The following RBFOX1 variants were observed in gnomAD, a reference collection of about 807,000 sequenced individuals.
The protein encoded by RBFOX1 is RNA binding protein fox-1 homolog 1.
In RBFOX1, 8 loss-of-function variants were observed where a neutral mutation model predicts 57.7. The ratio of observed to expected loss-of-function variants is 0.14; its 90% CI spans 0.08 to 0.25. The LOEUF is 0.25. Ranked by LOEUF, RBFOX1 falls within the 10% of genes least tolerant of loss-of-function variation. RBFOX1 has a pLI of 1.00. For synonymous variants in RBFOX1, 326 were observed against 222.4 expected (o/e 1.47, Z -4.15); for missense variants, 611 against 548.5 (o/e 1.11, Z -1.14).
At chr16:7,695,498 C>G (rs966343459) in intron 14 of RBFOX1, among the ~76,000 whole-genome samples, 5 of 151,788 alleles carry the variant, frequency 3.3e-5, no homozygotes, top group African/African-American at 7.3e-5. Context: ...ACTAAAAATA[C>G]AAAAATTAGC....
intron 3 of RBFOX1, among the ~76,000 whole-genome samples, chr16:5,665,120 A>G (rs1273734561): frequency 7.0e-5 from 7 of 100,146 alleles, no homozygotes; most frequent in Admixed American, 1.1e-4. Context: ...TAACTTTTTG[A>G]TATTTTTACA....
chr16:6,449,449 C>T (rs1334194646), intron 2 of RBFOX1, among the ~76,000 whole-genome samples: 2 of 152,166 alleles, frequency 1.3e-5, no homozygotes, highest in African/African-American at 4.8e-5. Flanking sequence ...TTAGGTGTTG[C>T]CAAAGGCTCT....
chr16:7,201,975 C>T (rs1384462534), intron 4 of RBFOX1, among the ~76,000 whole-genome samples: 2 of 152,110 alleles, frequency 1.3e-5, no homozygotes, highest in African/African-American at 4.8e-5. Flanking sequence ...AGCCAATTAA[C>T]ACCTAAGTAG....
At chr16:5,383,444 A>G (rs912160131) in intron 1 of RBFOX1, among the ~76,000 whole-genome samples, 1 of 152,214 alleles carries the variant, frequency 6.6e-6, no homozygotes, top group Non-Finnish European at 1.5e-5. Flanking sequence ...TGGGTCTGTT[A>G]GGCCTGGTTA....
intron 3 of RBFOX1, among the ~76,000 whole-genome samples, chr16:6,925,405 G>A (rs772264676): frequency 6.6e-6 from 1 of 151,838 alleles, no homozygotes; most frequent in African/African-American, 2.4e-5. Context: ...GATTATAGGA[G>A]TGAGCCACTG....
At chr16:5,473,946 G>C (rs1178616559) in intron 2 of RBFOX1, among the ~76,000 whole-genome samples, 1 of 151,314 alleles carries the variant, frequency 6.6e-6, no homozygotes, top group African/African-American at 2.4e-5. Context: ...ATGGATGGAT[G>C]GGTGGGTGGG....
intron 2 of RBFOX1, among the ~76,000 whole-genome samples, chr16:5,577,884 T>G (rs1233680263): frequency 2.6e-5 from 4 of 152,180 alleles, no homozygotes; most frequent in African/African-American, 9.7e-5. Context: ...AAGAGCCTCA[T>G]GTTAGAGCAG....
chr16:7,193,457 C>A (rs182705185), intron 4 of RBFOX1, among the ~76,000 whole-genome samples: 12 of 152,318 alleles, frequency 7.9e-5, no homozygotes, highest in Admixed American at 4.6e-4. Flanking sequence ...TTGTTTAAAG[C>A]CATCATGTTT....
chr16:6,144,077 G>C (rs186141094), intron 1 of RBFOX1, among the ~76,000 whole-genome samples: 52 of 151,918 alleles, frequency 3.4e-4, no homozygotes, highest in Admixed American at 3.3e-4. Flanking sequence ...GGGATTACAG[G>C]TGTGAGCCAC....
chr16:7,353,724 G>T (rs2097167374), intron 4 of RBFOX1, among the ~76,000 whole-genome samples: 1 of 152,200 alleles, frequency 6.6e-6, no homozygotes. Flanking sequence ...CATATTGTAT[G>T]ATTCGATTTA....
At chr16:7,041,427 C>A (rs887620188) in intron 3 of RBFOX1, among the ~76,000 whole-genome samples, 1 of 152,126 alleles carries the variant, frequency 6.6e-6, no homozygotes, top group African/African-American at 2.4e-5. Flanking sequence ...AGATGAACCA[C>A]AATTCTTTTA....
At chr16:7,476,726 G>A (rs1435536090) in intron 4 of RBFOX1, among the ~76,000 whole-genome samples, 1 of 152,228 alleles carries the variant, frequency 6.6e-6, no homozygotes, top group East Asian at 1.9e-4. Context: ...CTGAAGCATT[G>A]CTCTGTATCC....
intron 3 of RBFOX1, among the ~76,000 whole-genome samples, chr16:5,705,021 GC>G (rs1241412511): frequency 6.6e-6 from 1 of 151,938 alleles, no homozygotes; most frequent in East Asian, 1.9e-4. Flanking sequence ...TCTCCCTCCA[GC>G]CCATTTTTGA....
intron 4 of RBFOX1, among the ~76,000 whole-genome samples, chr16:5,943,271 G>C (rs572575381): frequency 5.3e-5 from 8 of 152,240 alleles, no homozygotes; most frequent in Middle Eastern, 3.4e-3. Flanking sequence ...CTTCTTAAGT[G>C]AACTTTCTTA....
chr16:6,644,757 G>A (rs1252311412), intron 2 of RBFOX1, among the ~76,000 whole-genome samples: 1 of 152,152 alleles, frequency 6.6e-6, no homozygotes, highest in African/African-American at 2.4e-5. Context: ...CTGGAGCACA[G>A]CAGCCTGTGA....
At chr16:7,610,688 T>G (rs911803016) in intron 10 of RBFOX1, among the ~76,000 whole-genome samples, 12 of 152,222 alleles carry the variant, frequency 7.9e-5, no homozygotes, top group African/African-American at 2.9e-4. Flanking sequence ...AGCTGTAATT[T>G]TAACACTGCA....
intron 4 of RBFOX1, among the ~76,000 whole-genome samples, chr16:5,875,838 G>T (rs1240853086): frequency 6.7e-6 from 1 of 150,270 alleles, no homozygotes; most frequent in Non-Finnish European, 1.5e-5. Context: ...TGAATTAGAA[G>T]AATCCCACTT....
At chr16:7,560,954 A>G (rs982527674) in intron 5 of RBFOX1, among the ~76,000 whole-genome samples, 3 of 152,204 alleles carry the variant, frequency 2.0e-5, no homozygotes, top group African/African-American at 7.2e-5. Flanking sequence ...ATGTTTTTCC[A>G]TCAGAGAACT....
At chr16:5,288,420 G>A (rs113875021) in intron 1 of RBFOX1, among the ~76,000 whole-genome samples, 2 of 152,030 alleles carry the variant, frequency 1.3e-5, no homozygotes, top group African/African-American at 4.8e-5. Context: ...AATAAATGCA[G>A]GAAATTAAAT....
Sources: gnomAD v4.1 joint callset for allele counts (sites outside exome capture counted in the v4.1 genomes callset) on GRCh38, gnomAD v4.1.1 for gene constraint, MANE v1.5 for transcripts, NCBI Gene and HGNC (gene_info 2026-07-23, HGNC 2026-07-21) for gene names.